Variants in GULP1 observed in about 807,000 individuals in gnomAD.
The protein encoded by GULP1 is PTB domain-containing engulfment adapter protein 1.
A neutral mutation model predicts 40.9 loss-of-function variants in GULP1; 19 were observed. The observed-to-expected ratio is 0.46, with a 90% CI of 0.32 to 0.68. The LOEUF is 0.68. Among genes scored for constraint, GULP1 ranks in the 30% least tolerant of loss-of-function variants. GULP1 has a pLI of 0.03. For synonymous variants in GULP1, 119 were observed against 117.6 expected (o/e 1.01, Z -0.08); for missense variants, 312 against 362.2 (o/e 0.86, Z 1.12).
intron 2 of GULP1, among the ~76,000 whole-genome samples, chr2:188,429,769 C>T (rs1169478435): frequency 6.6e-6 from 1 of 151,726 alleles, no homozygotes; most frequent in Non-Finnish European, 1.5e-5. Flanking sequence ...AGTGCAGTGG[C>T]GCGATCTCTG....
chr2:188,356,604 C>T (rs573899727), intron 1 of GULP1, among the ~76,000 whole-genome samples: 1 of 152,122 alleles, frequency 6.6e-6, no homozygotes, highest in South Asian at 2.1e-4. Flanking sequence ...TTAAAATGAC[C>T]ATGCTATTCA....
chr2:188,418,237 C>A (rs1482409691), intron 2 of GULP1, among the ~76,000 whole-genome samples: 1 of 152,142 alleles, frequency 6.6e-6, no homozygotes, highest in Non-Finnish European at 1.5e-5. Context: ...AAAATATTTA[C>A]AATGCTTACC....
intron 1 of GULP1, among the ~76,000 whole-genome samples, chr2:188,331,306 G>A (rs765478110): frequency 5.9e-5 from 9 of 152,062 alleles, no homozygotes; most frequent in Non-Finnish European, 1.0e-4. Flanking sequence ...AGGGTGCCAG[G>A]GGCTCATCAA....
At chr2:188,479,469 G>C (rs1163959712) in intron 3 of GULP1, among the ~76,000 whole-genome samples, 1 of 151,968 alleles carries the variant, frequency 6.6e-6, no homozygotes. Flanking sequence ...ATAGAGATAG[G>C]ATCTTGCTAC....
chr2:188,410,580 G>T (rs1039894958), intron 2 of GULP1, among the ~76,000 whole-genome samples: 3 of 152,060 alleles, frequency 2.0e-5, no homozygotes, highest in Non-Finnish European at 4.4e-5. Flanking sequence ...TGACCAACAG[G>T]TATATGAAAA....
At chr2:188,309,062 T>G (rs1323397866) in intron 1 of GULP1, among the ~76,000 whole-genome samples, 1 of 152,170 alleles carries the variant, frequency 6.6e-6, no homozygotes, top group African/African-American at 2.4e-5. Context: ...ACATTTATAT[T>G]GTTACTTTGT....
rs1693110320 is a variant in GULP1 at position 188,550,252 on chromosome 2, A to G, written c.399+8934A>G. ...TTTAAGTAAATGCAGGCCAAAAAGA[A>G]TTAGTTTCTTTCCTAGAGTGACAAG... is the stretch of plus-strand genomic sequence containing the variant. On this transcript the variant is annotated intron_variant, in intron 7 of 11. Transcript: ENST00000409830. Among the ~76,000 whole-genome samples, 4 of 151,674 alleles carry G rather than the reference A, an allele frequency of 2.6e-5. No individual in the cohort carries two copies. The South Asian group carries it at 6.2e-4, about 24-fold the overall frequency.
In GULP1 at chr2:188,413,373, C is replaced by T. The variant is rs562341730; in HGVS notation, c.-45+29484C>T. Among the ~76,000 whole-genome samples the T allele has an allele frequency of 5.3e-4, 80 of 152,246 alleles. No homozygotes were observed. The Middle Eastern group carries it at 0.024, about 45-fold the overall frequency. ...TCTGTTGTTTCCTGACTTTAATGAT[C>T]GCCATTCTAACTGGTGTGAGATGGT... On this transcript the variant is annotated intron_variant, in intron 2 of 11. Transcript: ENST00000409830.
chr2:188,474,457 G>T lies in GULP1; in HGVS notation c.-44-3202G>T, dbSNP rs543339850. On this transcript the variant is annotated intron_variant, in intron 2 of 11. Transcript: ENST00000409830. ...CCCTCTGGCTAAGGCAGTTTTAAAA[G>T]CTCCCTCCATGGCCAGGGGTCAGTT... Among the ~76,000 whole-genome samples the T allele has an allele frequency of 2.6e-5, 4 of 152,248 alleles. No homozygotes were observed. The South Asian group carries it at 8.3e-4, about 32-fold the overall frequency.
intron 2 of GULP1, among the ~76,000 whole-genome samples, chr2:188,444,264 G>T (rs1400731542): frequency 6.6e-6 from 1 of 152,074 alleles, no homozygotes; most frequent in African/African-American, 2.4e-5. Context: ...GAAAAATGTG[G>T]ATGTAAAGTG....
chr2:188,507,084 G>A (rs973455270), intron 4 of GULP1, among the ~76,000 whole-genome samples: 2 of 151,866 alleles, frequency 1.3e-5, no homozygotes, highest in Admixed American at 6.6e-5. Flanking sequence ...GAAGGCTCCT[G>A]GCAGGATTTC....
chr2:188,463,284 A>T (rs1422042839), intron 2 of GULP1, among the ~76,000 whole-genome samples: 6 of 152,140 alleles, frequency 3.9e-5, no homozygotes, highest in Admixed American at 3.9e-4. Flanking sequence ...TTTTTGCCAT[A>T]TACATTCTAG....
At chr2:188,320,481 A>G (rs2039803697) in intron 1 of GULP1, among the ~76,000 whole-genome samples, 1 of 152,188 alleles carries the variant, frequency 6.6e-6, no homozygotes, top group South Asian at 2.1e-4. Flanking sequence ...CTCTGTGAGT[A>G]TCAGTAACCT....
chr2:188,348,595 GAAAC>G (rs1443393534), intron 1 of GULP1, among the ~76,000 whole-genome samples: 2 of 151,670 alleles, frequency 1.3e-5, no homozygotes, highest in Admixed American at 6.7e-5. Flanking sequence ...TTGCATATCT[GAAAC>G]AAACAAGCAG....
intron 2 of GULP1, among the ~76,000 whole-genome samples, chr2:188,434,442 G>T (rs1380999347): frequency 6.6e-6 from 1 of 150,938 alleles, no homozygotes; most frequent in South Asian, 2.1e-4. Flanking sequence ...ACATGTTTTT[G>T]AATTTAAAGT....
At chr2:188,493,452 C>T (rs897264053) in intron 4 of GULP1, among the ~76,000 whole-genome samples, 11 of 152,102 alleles carry the variant, frequency 7.2e-5, no homozygotes, top group Middle Eastern at 3.4e-3. Flanking sequence ...TGGGTTCTAT[C>T]GTTAGAACAT....
At chr2:188,435,977 C>A (rs2057370579) in intron 2 of GULP1, among the ~76,000 whole-genome samples, 1 of 152,088 alleles carries the variant, frequency 6.6e-6, no homozygotes, top group South Asian at 2.1e-4. Flanking sequence ...GTTAATTTCT[C>A]TTTTAATTAA....
chr2:188,547,855 A>T (rs1692378716), intron 7 of GULP1, among the ~76,000 whole-genome samples: 1 of 152,120 alleles, frequency 6.6e-6, no homozygotes, highest in South Asian at 2.1e-4. Context: ...GATATAATCA[A>T]CCACATGGAA....
chr2:188,303,462 TAAA>T (rs2036495648), intron 1 of GULP1, among the ~76,000 whole-genome samples: 1 of 152,022 alleles, frequency 6.6e-6, no homozygotes, highest in African/African-American at 2.4e-5. Context: ...ATGTGAGAAA[TAAA>T]AAGCCAGAGG....
Sources: gnomAD v4.1 joint callset for allele counts (sites outside exome capture counted in the v4.1 genomes callset) on GRCh38, gnomAD v4.1.1 for gene constraint, MANE v1.5 for transcripts, NCBI Gene and HGNC (gene_info 2026-07-23, HGNC 2026-07-21) for gene names.